Variants in VPS13D observed in about 807,000 individuals in gnomAD.
VPS13D encodes vacuolar protein sorting 13 homolog D, also known as intermembrane lipid transfer protein VPS13D.
Under a neutral mutation model 461.9 loss-of-function variants are expected in VPS13D, and 187 were observed. That is an observed-to-expected ratio of 0.40 (90% CI 0.36 to 0.46). The LOEUF is 0.46. Among genes scored for constraint, VPS13D ranks in the 20% least tolerant of loss-of-function variants. VPS13D has a pLI of 0.60. For synonymous variants in VPS13D, 1,951 were observed against 1,986.3 expected (o/e 0.98, Z 0.47); for missense variants, 4,711 against 5,364.9 (o/e 0.88, Z 3.81).
intron 67 of VPS13D, among the ~76,000 whole-genome samples, chr1:12,476,448 C>T (rs1645632313): frequency 6.6e-6 from 1 of 152,224 alleles, no homozygotes; most frequent in Non-Finnish European, 1.5e-5. Context: ...GTTACACACT[C>T]AACGCCTAAT....
rs111417481 is a variant in VPS13D at position 12,304,571 on chromosome 1, G to A, written c.6282G>A (p.Thr2094=). The part of the protein sequence containing the change: ...PKHSLRKTTS[T]EEPRGTHSQG... ...ACAGTCTGAGGAAAACGACAAGCAC[G>A]GAGGAGCCCAGGGGAACCCATTCCC... The change falls in exon 26 of 70, where the codon ACG becomes ACA. Residue 2094 remains threonine, a synonymous_variant. Coordinates refer to ENST00000620676, the MANE Select transcript of VPS13D (RefSeq NM_015378.4). 5.7e-4 allele frequency: 928 copies of A among 1,614,064 alleles called. 10 individuals carry two copies. The African/African-American group carries it at 7.2e-3, about 12-fold the overall frequency.
intron 34 of VPS13D, among the ~76,000 whole-genome samples, chr1:12,323,259 A>G (rs1265281098): frequency 6.6e-6 from 1 of 150,746 alleles, no homozygotes; most frequent in Non-Finnish European, 1.5e-5. Context: ...TTTTTTTTTT[A>G]GAGACGGGGT....
chr1:12,347,434 T>C (rs942630527), intron 44 of VPS13D, among the ~76,000 whole-genome samples: 1 of 152,292 alleles, frequency 6.6e-6, no homozygotes, highest in African/African-American at 2.4e-5. Flanking sequence ...CCTCCCAGAG[T>C]GCTGGGATTA....
At chr1:12,268,993 A>G (rs771207583) in intron 16 of VPS13D, 117 bp downstream of exon 16, 3 of 1,187,280 alleles carry the variant, frequency 2.5e-6, no homozygotes, top group Non-Finnish European at 2.3e-6. Flanking sequence ...AAAGGCCTGC[A>G]GAGTAAGTCA....
rs1167116033 is a variant in VPS13D at position 12,271,443 on chromosome 1, C to T, written c.2103+319C>T. Among the ~76,000 whole-genome samples the T allele has an allele frequency of 3.3e-5, 5 of 152,010 alleles. No homozygotes were observed. In the South Asian group the frequency reaches 8.3e-4, roughly 25 times the overall value. Reference sequence around the variant, plus strand: ...CAGCACTTTGGGAGGCTGAGGTGGGCAGATCACTTGAGGTCAGGAGTTCGA... The same window carrying T: ...CAGCACTTTGGGAGGCTGAGGTGGGTAGATCACTTGAGGTCAGGAGTTCGA... On this transcript the variant is annotated intron_variant, in intron 17 of 69. Coordinates refer to ENST00000620676, the MANE Select transcript of VPS13D (RefSeq NM_015378.4).
chr1:12,433,288 A>G (rs1042574685), intron 65 of VPS13D, among the ~76,000 whole-genome samples: 13 of 151,966 alleles, frequency 8.6e-5, no homozygotes, highest in African/African-American at 3.1e-4. Context: ...ACAAAAAAAC[A>G]ACAACAAAAC....
chr1:12,468,796 G>A (rs1381893251), intron 67 of VPS13D, among the ~76,000 whole-genome samples: 1 of 152,228 alleles, frequency 6.6e-6, no homozygotes, highest in East Asian at 1.9e-4. Flanking sequence ...ACTTTGGGAG[G>A]CTGGGGCGGG....
intron 47 of VPS13D, among the ~76,000 whole-genome samples, chr1:12,354,511 G>A (rs1188160728): frequency 2.6e-5 from 4 of 151,974 alleles, no homozygotes; most frequent in African/African-American, 9.7e-5. Context: ...ACCAGCCTGA[G>A]CAACAAAGTA....
chr1:12,247,634 T>C (rs1640600213), intron 5 of VPS13D, among the ~76,000 whole-genome samples: 1 of 152,166 alleles, frequency 6.6e-6, no homozygotes, highest in Non-Finnish European at 1.5e-5. Context: ...CTGAATATTT[T>C]TCCGTGTATT....
chr1:12,310,298 A>G (rs1216808360), intron 27 of VPS13D, among the ~76,000 whole-genome samples: 2 of 152,114 alleles, frequency 1.3e-5, no homozygotes, highest in Non-Finnish European at 2.9e-5. Flanking sequence ...TTATTGCATC[A>G]TTGTCTTTTA....
rs1199299478 is a variant in VPS13D, at chr1:12,234,255, G to A, written c.-12G>A. The A allele has an allele frequency of 6.3e-7, 1 of 1,589,916 alleles. No individual in the cohort carries two copies. Among genetic ancestry groups the A allele is most frequent in the South Asian group, 1.1e-5 (1 of 89,862 alleles). ...CCATGATTTCTAAACACCTTTTCCT[G>A]AGGATATAGTCATGTTGGAAGGCCT... On this transcript the variant is annotated 5_prime_UTR_variant, in exon 2 of 70. Coordinates refer to ENST00000620676, the MANE Select transcript of VPS13D (RefSeq NM_015378.4).
intron 2 of VPS13D, among the ~76,000 whole-genome samples, chr1:12,237,391 G>A (rs1025266922): frequency 6.6e-6 from 1 of 150,938 alleles, no homozygotes; most frequent in African/African-American, 2.4e-5. Context: ...TACTTGGGAG[G>A]CTGAGGTGGG....
In VPS13D at chr1:12,415,170, C is replaced by G; in HGVS notation, c.12114C>G (p.Pro4038=). ...INLDPFTRVH[P]YETKEFIIND... ...TAGATCCATTCACTCGGGTACATCC[C>G]TATGAGACCAAGGAGTTCATCATCA... The change falls in exon 64 of 70, where the codon CCC becomes CCG. Residue 4038 remains proline, a synonymous_variant. Transcript: ENST00000620676. 5.6e-6 allele frequency: 9 copies of G among 1,614,080 alleles called. No individual in the cohort carries two copies. Among genetic ancestry groups the G allele is most frequent in the Non-Finnish European group, 7.6e-6 (9 of 1,179,990 alleles).
At chr1:12,358,826 C>A (rs1643911165) in intron 50 of VPS13D, among the ~76,000 whole-genome samples, 1 of 152,138 alleles carries the variant, frequency 6.6e-6, no homozygotes, top group Non-Finnish European at 1.5e-5. Flanking sequence ...AGGTCTGTGG[C>A]TCTGTTTAAT....
chr1:12,338,772 A>G (rs1026553989), intron 40 of VPS13D, among the ~76,000 whole-genome samples: 1 of 152,236 alleles, frequency 6.6e-6, no homozygotes, highest in Non-Finnish European at 1.5e-5. Flanking sequence ...GCTTAGACAC[A>G]AACCTTAATT....
At chr1:12,247,502 CAAAAA>C (rs906795895) in intron 5 of VPS13D, among the ~76,000 whole-genome samples, 2 of 150,076 alleles carry the variant, frequency 1.3e-5, no homozygotes, top group Non-Finnish European at 3.0e-5. Flanking sequence ...AAAAAAAACC[CAAAAA>C]AAACCCAAAA....
intron 65 of VPS13D, among the ~76,000 whole-genome samples, chr1:12,440,674 G>A (rs1320470399): frequency 6.6e-6 from 1 of 152,114 alleles, no homozygotes; most frequent in Non-Finnish European, 1.5e-5. Context: ...CCAGGAGTTG[G>A]AGCTCAGCCT....
intron 67 of VPS13D, among the ~76,000 whole-genome samples, chr1:12,483,824 C>T (rs984236174): frequency 6.6e-6 from 1 of 151,842 alleles, no homozygotes; most frequent in African/African-American, 2.4e-5. Context: ...ATGGTGAAAC[C>T]CCGTCTCTAC....
rs776155762 is a variant in VPS13D, at chr1:12,349,319, A to G, written c.9376A>G (p.Ser3126Gly). Reference sequence around the variant, plus strand: ...CAATGTAGTGAAGACTGCAGAAATTAGTAGCAGTAAACGAGAGTGCCACTC... The same window carrying G: ...CAATGTAGTGAAGACTGCAGAAATTGGTAGCAGTAAACGAGAGTGCCACTC... Reference protein sequence around the residue: ...WTNVVKTAEISSSKRECHSMD... With the variant: ...WTNVVKTAEIGSSKRECHSMD... Residue 3126 changes from serine to glycine, a missense_variant, in exon 46 of 70, where the codon AGT becomes GGT. Ser to Gly is a moderately conservative substitution (Grantham distance 56). Transcript: ENST00000620676. 5 of 1,614,228 alleles carry G rather than the reference A, an allele frequency of 3.1e-6. No homozygotes were observed. The South Asian group carries it at 5.5e-5, about 18-fold the overall frequency.
Sources: gnomAD v4.1 joint callset for allele counts (sites outside exome capture counted in the v4.1 genomes callset) on GRCh38, gnomAD v4.1.1 for gene constraint, MANE v1.5 for transcripts, NCBI Gene and HGNC (gene_info 2026-07-23, HGNC 2026-07-21) for gene names.